The following MRAP variants were observed in gnomAD, a reference collection of about 807,000 sequenced individuals.
MRAP encodes the protein melanocortin 2 receptor accessory protein.
In MRAP, 8 loss-of-function variants were observed where a neutral mutation model predicts 8.7. The ratio of observed to expected loss-of-function variants is 0.92; its 90% confidence interval spans 0.54 to 1.66. MRAP has a LOEUF of 1.66. MRAP is among the 40% of genes most tolerant of loss of function. The pLI is 0.00. For synonymous variants in MRAP, 95 were observed against 95.5 expected (o/e 1.00, Z 0.03); for missense variants, 237 against 217.1 (o/e 1.09, Z -0.58).
At chr21:32,301,034 C>CA (rs1243903713) in intron 1 of MRAP, among the ~76,000 whole-genome samples, 1 of 151,464 alleles carries the variant, frequency 6.6e-6, no homozygotes, top group Non-Finnish European at 1.5e-5. Context: ...TCAGATATAT[C>CA]AAATATATCA....
At chr21:32,310,723 T>C (rs946624940) in intron 2 of MRAP, among the ~76,000 whole-genome samples, 9 of 151,890 alleles carry the variant, frequency 5.9e-5, no homozygotes, top group Admixed American at 3.9e-4. Context: ...CTTGGCTCGC[T>C]GCAACTTCCG....
chr21:32,310,340 G>C (rs942482292), intron 2 of MRAP, among the ~76,000 whole-genome samples: 26 of 152,194 alleles, frequency 1.7e-4, no homozygotes, highest in African/African-American at 5.3e-4. Context: ...CCCATGATGG[G>C]GGGGGGAGGG....
chr21:32,301,759 G>A (rs2032302982), intron 1 of MRAP, among the ~76,000 whole-genome samples: 1 of 152,002 alleles, frequency 6.6e-6, no homozygotes, highest in African/African-American at 2.4e-5. Flanking sequence ...CTTTAGTTAT[G>A]GGTTAAGAAG....
At chr21:32,293,912 T>G (rs942713951), upstream of MRAP, among the ~76,000 whole-genome samples, 19 of 152,154 alleles carry the variant, frequency 1.2e-4, no homozygotes, top group Admixed American at 1.3e-4. Context: ...TCTTTTTTTT[T>G]TTTCTAGTCA....
rs764573260 is a variant in MRAP at position 32,309,606 on chromosome 21, G to A, written c.207-2078G>A. Among the ~76,000 whole-genome samples, 131 of 149,464 alleles carry A rather than the reference G, an allele frequency of 8.8e-4. 1 individual carries two copies. The Middle Eastern group carries it at 0.021, about 23-fold the overall frequency. ...AGCTGGGATTACAGGCACCCGCCAC[G>A]ACGCACAGCTAATTTTTGTATTTTT... On this transcript the variant is annotated intron_variant, in intron 2 of 2. Transcript: ENST00000303645.
chr21:32,300,465 TTA>T (rs1435155176), intron 1 of MRAP, among the ~76,000 whole-genome samples: 1 of 145,988 alleles, frequency 6.8e-6, no homozygotes, highest in Non-Finnish European at 1.5e-5. Flanking sequence ...TTCACACGTC[TTA>T]TGTCAGGGGC....
At position 32,311,964 on chromosome 21, in the gene MRAP, C is replaced by G. The variant is rs1309719973; in HGVS notation, c.487C>G (p.Pro163Ala). 2 of 1,613,486 alleles carry G rather than the reference C, an allele frequency of 1.2e-6. No homozygotes were observed. The highest frequency in any genetic ancestry group is 1.1e-5 in the South Asian group (1 of 91,090). Residue 163 changes from proline (P) to alanine (A), a missense_variant, in exon 3 of 3, where the codon CCT (proline) becomes GCT (alanine). By Grantham distance (27) the Pro-to-Ala change is conservative. Coordinates refer to ENST00000303645, the MANE Select transcript of MRAP (RefSeq NM_001379228.1). ...CAGGAGCAAGCCCAGCGAGCCTCCC[C>G]CTGGAGACAGGACCTCTCAATTGCA... ...LVRSKPSEPPPGDRTSQLQS is the reference protein window; with the variant it reads ...LVRSKPSEPPAGDRTSQLQS
At chr21:32,297,586 T>C (rs1020087672), upstream of MRAP, among the ~76,000 whole-genome samples, 8 of 152,174 alleles carry the variant, frequency 5.3e-5, no homozygotes, top group East Asian at 5.8e-4. Flanking sequence ...ACCAGTCATC[T>C]AGTAAGTGAA....
chr21:32,306,653 C>A lies in MRAP; in HGVS notation c.120C>A (p.Ile40=). ...KLKAHKHSIV[I]AFWVSLAAFV... is the part of the protein sequence containing the mutation. ...CTCCTCCCGCAGATTCCATCGTGAT[C>A]GCATTCTGGGTGAGCCTGGCTGCCT... The change falls in exon 2 of 3, where the codon ATC becomes ATA. Residue 40 remains isoleucine (I), a synonymous_variant. Transcript: ENST00000303645. 1 of 1,614,076 alleles carries A rather than the reference C, an allele frequency of 6.2e-7. No homozygotes were observed. Among genetic ancestry groups the A allele is most frequent in the Non-Finnish European group, 8.5e-7 (1 of 1,179,978 alleles).
chr21:32,305,818 C>T (rs540754446), intron 1 of MRAP, among the ~76,000 whole-genome samples: 1 of 152,102 alleles, frequency 6.6e-6, no homozygotes, highest in East Asian at 1.9e-4. Context: ...CCAAGAAAAA[C>T]TGTCGTGCTA....
upstream of MRAP, among the ~76,000 whole-genome samples, chr21:32,295,581 G>A (rs924691168): frequency 2.0e-5 from 3 of 152,134 alleles, no homozygotes; most frequent in Non-Finnish European, 4.4e-5. Context: ...TGTGTAGGGG[G>A]AGCCCTCTCC....
chr21:32,292,920 C>T (rs1331154213), intron 1 of MRAP: 1 of 152,134 alleles, frequency 6.6e-6, no homozygotes, highest in Non-Finnish European at 1.5e-5. Context: ...AGTGCAGAGG[C>T]TGATTAATGG....
chr21:32,306,700 T>G lies in MRAP; in HGVS notation c.167T>G (p.Ile56Ser). Residue 56 changes from isoleucine to serine, a missense_variant, in exon 2 of 3, where the codon ATC becomes AGC. Ile to Ser is a moderately radical substitution (Grantham distance 142). Transcript: ENST00000303645. ...GCCTTCGTGGTGCTGCTCTTCCTCA[T>G]CTTGCTCTACATGTCCTGGTCCGCC... Reference protein sequence around the residue: ...LAAFVVLLFLILLYMSWSASP... With the variant: ...LAAFVVLLFLSLLYMSWSASP... The G allele has an allele frequency of 6.2e-7, 1 of 1,614,140 alleles. No homozygotes were observed. The highest frequency in any genetic ancestry group is 8.5e-7 in the Non-Finnish European group (1 of 1,180,014).
intron 1 of MRAP, among the ~76,000 whole-genome samples, chr21:32,306,214 C>T (rs1227659273): frequency 6.6e-6 from 1 of 152,100 alleles, no homozygotes; most frequent in South Asian, 2.1e-4. Context: ...GTTCCACCAA[C>T]GGCCCCTGGT....
intron 1 of MRAP, among the ~76,000 whole-genome samples, chr21:32,303,719 C>CT (rs2032339254): frequency 6.6e-6 from 1 of 152,216 alleles, no homozygotes; most frequent in African/African-American, 2.4e-5. Context: ...CTAGGGATGT[C>CT]TAACTATTTC....
In MRAP at chr21:32,312,171, A is replaced by T; in HGVS notation, c.*175A>T. The T allele has an allele frequency of 1.3e-6, 2 of 1,513,256 alleles. No homozygotes were observed. The highest frequency in any genetic ancestry group is 8.8e-7 in the Non-Finnish European group (1 of 1,134,526). The allele number at this position is 1,513,256 out of a possible 1,614,324, so 93.7% of individuals were successfully genotyped here. A position where few individuals can be genotyped will look rare whatever the true frequency, so the allele number is the denominator to read the frequency against. Reference sequence around the variant, plus strand: ...TGACAAAGATTGCAGTGGCCCCTCGAGTGCAGAGGTCATCCCAGGTGTTGC... The same window carrying T: ...TGACAAAGATTGCAGTGGCCCCTCGTGTGCAGAGGTCATCCCAGGTGTTGC... On this transcript the variant is annotated 3_prime_UTR_variant, in exon 3 of 3. Transcript: ENST00000303645.
chr21:32,301,691 G>A (rs907391349), intron 1 of MRAP, among the ~76,000 whole-genome samples: 8 of 152,140 alleles, frequency 5.3e-5, no homozygotes, highest in African/African-American at 1.9e-4. Flanking sequence ...GATTTCCCTT[G>A]AGTAGTGCCT....
In MRAP at chr21:32,311,755, G is replaced by A; in HGVS notation, c.278G>A (p.Cys93Tyr). 6.2e-7 allele frequency: 1 copy of A among 1,614,098 alleles called. No individual in the cohort carries two copies. Among genetic ancestry groups the A allele is most frequent in the Non-Finnish European group, 8.5e-7 (1 of 1,180,010 alleles). ...GLNLHLCIQK[C>Y]LPCHREPLAT... ...AACCTCCACCTCTGCATCCAGAAGT[G>A]CCTGCCGTGCCACAGGGAACCCCTG... Residue 93 changes from cysteine (C) to tyrosine (Y), a missense_variant, in exon 3 of 3, where the codon TGC becomes TAC. Cys to Tyr is a radical substitution (Grantham distance 194). Transcript: ENST00000303645.
intron 1 of MRAP, among the ~76,000 whole-genome samples, chr21:32,300,267 T>C (rs1459670984): frequency 6.6e-6 from 1 of 151,900 alleles, no homozygotes; most frequent in Non-Finnish European, 1.5e-5. Flanking sequence ...TGGTGGCTCA[T>C]GCCTGTAATC....
Sources: allele counts gnomAD v4.1 joint callset (sites outside exome capture counted in the v4.1 genomes callset), GRCh38; gene constraint gnomAD v4.1.1; transcripts MANE v1.5; gene names NCBI Gene and HGNC (gene_info 2026-07-23, HGNC 2026-07-21).